The following CNTNAP2 variants were observed in gnomAD, a reference collection of about 807,000 sequenced individuals.
The protein encoded by CNTNAP2 is contactin associated protein 2.
A neutral mutation model predicts 155.2 loss-of-function variants in CNTNAP2; 98 were observed. The ratio of observed to expected loss-of-function variants is 0.63; its 90% CI spans 0.54 to 0.75. The LOEUF (loss-of-function observed/expected upper bound fraction) is 0.75, where lower values mean the gene tolerates loss of function less well. Ranked by LOEUF, CNTNAP2 falls within the 30% of genes least tolerant of loss-of-function variation. CNTNAP2 has a pLI of 0.00. For synonymous variants in CNTNAP2, 651 were observed against 631.2 expected (o/e 1.03, Z -0.47); for missense variants, 1,727 against 1,688.1 (o/e 1.02, Z -0.40).
At chr7:147,208,647 C>T (rs1372149911) in intron 8 of CNTNAP2, among the ~76,000 whole-genome samples, 1 of 151,858 alleles carries the variant, frequency 6.6e-6, no homozygotes, top group Admixed American at 6.6e-5. Context: ...TAATTCTAAC[C>T]ATTTTATAAT....
intron 1 of CNTNAP2, among the ~76,000 whole-genome samples, chr7:146,696,281 C>T (rs961748378): frequency 7.9e-5 from 12 of 152,056 alleles, no homozygotes; most frequent in Admixed American, 1.3e-4. Flanking sequence ...GGAATCAGTC[C>T]GTTTCATCTA....
At chr7:147,940,988 T>C (rs968593629) in intron 14 of CNTNAP2, among the ~76,000 whole-genome samples, 1 of 152,218 alleles carries the variant, frequency 6.6e-6, no homozygotes, top group Non-Finnish European at 1.5e-5. Context: ...CAAAGAGTAA[T>C]TTATCCTTGC....
intron 8 of CNTNAP2, among the ~76,000 whole-genome samples, chr7:147,135,840 A>G (rs1452764264): frequency 6.6e-6 from 1 of 151,020 alleles, no homozygotes; most frequent in Non-Finnish European, 1.5e-5. Flanking sequence ...TACAGTTTGG[A>G]AAACACCGAC....
intron 14 of CNTNAP2, among the ~76,000 whole-genome samples, chr7:147,973,294 T>G (rs533352716): frequency 6.6e-6 from 1 of 152,268 alleles, no homozygotes; most frequent in East Asian, 1.9e-4. Flanking sequence ...GAGTTTCACA[T>G]GCCATTGCTT....
chr7:146,676,959 A>G (rs956527357), intron 1 of CNTNAP2, among the ~76,000 whole-genome samples: 1 of 152,200 alleles, frequency 6.6e-6, no homozygotes, highest in Admixed American at 6.5e-5. Flanking sequence ...ACTAAAAAGT[A>G]TCCAAGACAA....
Position 147,099,927 on chromosome 7 carries a change from A to T in CNTNAP2, c.551-8220A>T, listed in dbSNP as rs186873848. Among the ~76,000 whole-genome samples, 237 of 152,376 alleles carry T rather than the reference A, an allele frequency of 1.6e-3. 2 individuals are homozygous for T. Among genetic ancestry groups the T allele is most frequent in the African/African-American group, 5.3e-3 (221 of 41,588 alleles). On this transcript the variant is annotated intron_variant, in intron 4 of 23. Coordinates refer to ENST00000361727, the MANE Select transcript of CNTNAP2 (RefSeq NM_014141.6). ...TTATTTGACTTTTTGATTTACAAAA[A>T]TAAATAAAAACAGCTTCCACATGGA...
chr7:148,403,134 T>C, intron 22 of CNTNAP2, among the ~76,000 whole-genome samples: 1 of 150,840 alleles, frequency 6.6e-6, no homozygotes, highest in Non-Finnish European at 1.5e-5. Context: ...GCTAAAGCCT[T>C]AGCCAGGATG....
intron 3 of CNTNAP2, among the ~76,000 whole-genome samples, chr7:146,868,144 T>C (rs140789506): frequency 2.0e-3 from 307 of 152,270 alleles, no homozygotes; most frequent in African/African-American, 6.2e-3. Context: ...TAGGTGTTTA[T>C]AGTTTTGGAT....
At chr7:146,633,626 T>TA (rs1473342334) in intron 1 of CNTNAP2, among the ~76,000 whole-genome samples, 7 of 151,638 alleles carry the variant, frequency 4.6e-5, no homozygotes, top group Admixed American at 4.6e-4. Flanking sequence ...AATATTGAGT[T>TA]AAAAAATAGA....
chr7:146,366,653 C>T (rs1013596464), intron 1 of CNTNAP2, among the ~76,000 whole-genome samples: 18 of 152,160 alleles, frequency 1.2e-4, no homozygotes, highest in African/African-American at 4.3e-4. Context: ...GTCCATCCAT[C>T]AAGGGCTCCA....
intron 21 of CNTNAP2, among the ~76,000 whole-genome samples, chr7:148,332,435 T>C (rs1798044963): frequency 6.6e-6 from 1 of 152,192 alleles, no homozygotes. Context: ...AGAAAGGATC[T>C]TGGGCTTGGC....
chr7:148,253,005 GATAC>G (rs370854141), intron 20 of CNTNAP2, among the ~76,000 whole-genome samples: 111 of 137,308 alleles, frequency 8.1e-4, no homozygotes, highest in Non-Finnish European at 9.3e-4. Context: ...GAGATAGATA[GATAC>G]ATAGATAGAT....
At chr7:146,235,690 G>A (rs940592647) in intron 1 of CNTNAP2, among the ~76,000 whole-genome samples, 10 of 151,942 alleles carry the variant, frequency 6.6e-5, no homozygotes, top group African/African-American at 1.5e-4. Context: ...TGCACAGGCC[G>A]TGGCTGCGTG....
At chr7:146,572,437 A>G (rs1478197229) in intron 1 of CNTNAP2, among the ~76,000 whole-genome samples, 2 of 151,998 alleles carry the variant, frequency 1.3e-5, no homozygotes, top group Non-Finnish European at 2.9e-5. Context: ...TACTTCCTTC[A>G]TTTTCTTTAC....
intron 1 of CNTNAP2, among the ~76,000 whole-genome samples, chr7:146,377,607 G>A (rs1001667711): frequency 4.6e-5 from 7 of 151,972 alleles, no homozygotes; most frequent in African/African-American, 7.2e-5. Context: ...AGTCACTACC[G>A]GCCACTCTCT....
rs750307117 is a variant in CNTNAP2 at position 147,456,001 on chromosome 7, T to C, written c.1671-29934T>C. On this transcript the variant is annotated intron_variant, in intron 10 of 23. Coordinates refer to ENST00000361727, the MANE Select transcript of CNTNAP2 (RefSeq NM_014141.6). ...TAATTTAACAAAAACAAAAACATTC[T>C]GTAACATAAGAATTGATGAATTGAT... 2.5e-4 allele frequency among the ~76,000 whole-genome samples: 38 copies of C among 152,138 alleles called. 1 individual carries two copies. Among genetic ancestry groups the C allele is most frequent in the Admixed American group, 1.6e-3 (25 of 15,264 alleles).
intron 9 of CNTNAP2, among the ~76,000 whole-genome samples, chr7:147,370,677 A>G (rs961367673): frequency 2.6e-5 from 4 of 152,154 alleles, no homozygotes; most frequent in Non-Finnish European, 5.9e-5. Flanking sequence ...ATATAGATAC[A>G]TAATAACCCT....
intron 1 of CNTNAP2, among the ~76,000 whole-genome samples, chr7:146,672,668 C>A (rs1800331021): frequency 6.6e-6 from 1 of 152,112 alleles, no homozygotes; most frequent in African/African-American, 2.4e-5. Context: ...TACAAGATCC[C>A]TAAGAGTAAA....
At chr7:146,564,929 T>C (rs1003648693) in intron 1 of CNTNAP2, among the ~76,000 whole-genome samples, 1 of 152,112 alleles carries the variant, frequency 6.6e-6, no homozygotes, top group East Asian at 1.9e-4. Flanking sequence ...ACTGAGCATC[T>C]AGAAGTTAAG....
Sources: allele counts gnomAD v4.1 joint callset (sites outside exome capture counted in the v4.1 genomes callset), GRCh38; gene constraint gnomAD v4.1.1; transcripts MANE v1.5; gene names NCBI Gene and HGNC (gene_info 2026-07-23, HGNC 2026-07-21).